CARM1: variants seen among roughly 807,000 people sequenced by gnomAD.
CARM1 encodes the protein coactivator associated arginine methyltransferase 1.
Under a neutral mutation model 72.7 loss-of-function variants are expected in CARM1, and 14 were observed. That is an observed-to-expected ratio of 0.19 (90% CI 0.13 to 0.30). The LOEUF is 0.30. Ranked by LOEUF, CARM1 falls within the 10% of genes least tolerant of loss-of-function variation. The pLI is 1.00. For missense variants in CARM1, 432 were observed against 833.7 expected, an observed-to-expected ratio of 0.52 and a Z score of 5.93; for synonymous variants, 333 against 345.5, an observed-to-expected ratio of 0.96 and a Z score of 0.40.
intron 1 of CARM1, among the ~76,000 whole-genome samples, chr19:10,879,453 G>A (rs2073886154): frequency 6.6e-6 from 1 of 152,180 alleles, no homozygotes; most frequent in South Asian, 2.1e-4. Flanking sequence ...ACAGTGGGTA[G>A]GATCTGGACC....
Position 10,900,935 on chromosome 19 carries a change from G to A in CARM1, c.221-4016G>A, listed in dbSNP as rs1257760470. On this transcript the variant is annotated intron_variant, in intron 1 of 15. Coordinates refer to ENST00000327064, the MANE Select transcript of CARM1 (RefSeq NM_199141.2). ...CCTGACCTTGTGATCCACCCGCCTC[G>A]GCCCCCCAAAGTGCTGGGATTACAG... Among the ~76,000 whole-genome samples, 9 of 151,672 alleles carry A rather than the reference G, an allele frequency of 5.9e-5. No individual in the cohort carries two copies. The East Asian group carries it at 1.5e-3, about 26-fold the overall frequency.
Position 10,905,033 on chromosome 19 carries a change from C to T in CARM1, c.303C>T (p.Thr101=), listed in dbSNP as rs375889124. The T allele has an allele frequency of 1.3e-4, 209 of 1,614,072 alleles. No individual in the cohort carries two copies. Among genetic ancestry groups the T allele is most frequent in the Admixed American group, 2.3e-4 (14 of 60,010 alleles). Reference sequence around the variant, plus strand: ...TGGGCAAGCAGTCCTTCATCATCACCCTGGGCTGCAACAGCGTCCTCATCC... The same window carrying T: ...TGGGCAAGCAGTCCTTCATCATCACTCTGGGCTGCAACAGCGTCCTCATCC... ...SRVGKQSFII[T]LGCNSVLIQF... is the part of the protein sequence containing the mutation. Residue 101 remains threonine (T), a synonymous_variant, in exon 2 of 16, where the codon ACC becomes ACT. Transcript: ENST00000327064.
At chr19:10,881,023 C>T (rs370636891) in intron 1 of CARM1, among the ~76,000 whole-genome samples, 3 of 152,074 alleles carry the variant, frequency 2.0e-5, no homozygotes, top group African/African-American at 7.2e-5. Context: ...AAAAATTAGC[C>T]GGCATGGTGG....
At position 10,871,956 on chromosome 19, in the gene CARM1, G is replaced by T; in HGVS notation, c.220+34G>T. 8.5e-7 allele frequency: 1 copy of T among 1,172,534 alleles called. No individual in the cohort carries two copies. The highest frequency in any genetic ancestry group is 1.1e-6 in the Non-Finnish European group (1 of 949,500). The allele number at this position is 1,172,534 out of a possible 1,614,324, so 72.6% of individuals were successfully genotyped here. A position where few individuals can be genotyped will look rare whatever the true frequency, so the allele number is the denominator to read the frequency against. ...GGGGCCCCGGGGCAGGCGCAGGGCC[G>T]GGGCTGCTCACGAGGCCGGCCCGGG... On this transcript the variant is annotated intron_variant, in intron 1 of 15. Coordinates refer to ENST00000327064, the MANE Select transcript of CARM1 (RefSeq NM_199141.2). The surrounding 1 kb of genome is among the most constrained non-coding windows in gnomAD (Gnocchi z 5.6).
chr19:10,897,182 C>T lies in CARM1; in HGVS notation c.221-7769C>T, dbSNP rs755689414. Reference sequence around the variant, plus strand: ...ATAGGGATGCTGGTGCCAGTCACCTCGGCCACTCTTGCTGTGTGACCTTGA... The same window carrying T: ...ATAGGGATGCTGGTGCCAGTCACCTTGGCCACTCTTGCTGTGTGACCTTGA... On this transcript the variant is annotated intron_variant, in intron 1 of 15. Coordinates refer to ENST00000327064, the MANE Select transcript of CARM1 (RefSeq NM_199141.2). Among the ~76,000 whole-genome samples the T allele has an allele frequency of 3.9e-5, 6 of 152,276 alleles. No individual in the cohort carries two copies. In the East Asian group the frequency reaches 7.7e-4, roughly 20 times the overall value.
Position 10,920,359 on chromosome 19 carries a change from G to C in CARM1, c.1197-77G>C. 6.6e-7 allele frequency: 1 copy of C among 1,519,794 alleles called. No individual in the cohort carries two copies. The highest frequency in any genetic ancestry group is 8.9e-7 in the Non-Finnish European group (1 of 1,120,908). 94.1% of individuals were successfully genotyped at this position (1,519,794 alleles called of 1,614,324 possible). The stretch of plus-strand genomic sequence containing the variant: ...GGCAGAGGGGGCAGGTGCTTGGGGA[G>C]GACTCAAGGCATACAAGGTGGTGGC... On this transcript the variant is annotated intron_variant, in intron 10 of 15. Coordinates refer to ENST00000327064, the MANE Select transcript of CARM1 (RefSeq NM_199141.2). This position sits in a 1 kb window ranked among gnomAD's most constrained non-coding sequence, Gnocchi z 5.3.
intron 1 of CARM1, among the ~76,000 whole-genome samples, chr19:10,874,466 C>T (rs975175702): frequency 7.9e-5 from 12 of 151,736 alleles, no homozygotes; most frequent in Admixed American, 1.3e-4. Context: ...GTCTCAGTCT[C>T]AGCTCACTGC....
At chr19:10,898,903 C>T (rs957841502) in intron 1 of CARM1, among the ~76,000 whole-genome samples, 4 of 152,076 alleles carry the variant, frequency 2.6e-5, no homozygotes, top group African/African-American at 9.7e-5. Flanking sequence ...GGGCCTGGCC[C>T]ATGTAGGGAC....
chr19:10,904,813 T>C, intron 1 of CARM1, 138 bp from the exon 2 acceptor site: 2 of 1,139,096 alleles, frequency 1.8e-6, no homozygotes, highest in Non-Finnish European at 1.3e-6. Context: ...CCGGCAATGC[T>C]GCCAGGGTGG....
chr19:10,917,269 G>A (rs1015855151), intron 8 of CARM1, among the ~76,000 whole-genome samples: 6 of 151,964 alleles, frequency 3.9e-5, no homozygotes, highest in African/African-American at 1.2e-4. Context: ...GGCAGATCAC[G>A]AGGTTAGGAG....
chr19:10,910,332 T>C (rs977965752), intron 4 of CARM1, among the ~76,000 whole-genome samples: 1 of 151,700 alleles, frequency 6.6e-6, no homozygotes, highest in South Asian at 2.1e-4. Context: ...AATACAAAAA[T>C]TAGCTGGGCG....
At position 10,912,130 on chromosome 19, in the gene CARM1, T is replaced by C; in HGVS notation, c.559-54T>C. On this transcript the variant is annotated intron_variant, in intron 4 of 15. Transcript: ENST00000327064. The surrounding 1 kb of genome is among the most constrained non-coding windows in gnomAD (Gnocchi z 4.5). ...CACATCCCTTATGATCACTGTCACC[T>C]CCCCATCACCGTCGCCTCCTATGTC... 1 of 1,248,960 alleles carries C rather than the reference T, an allele frequency of 8.0e-7. No homozygotes were observed. The highest frequency in any genetic ancestry group is 1.2e-6 in the Non-Finnish European group (1 of 846,424). The allele number at this position is 1,248,960 out of a possible 1,614,324, so 77.4% of individuals were successfully genotyped here.
chr19:10,904,537 G>T lies in CARM1; in HGVS notation c.221-414G>T, dbSNP rs1207288069. On this transcript the variant is annotated intron_variant, in intron 1 of 15. Coordinates refer to ENST00000327064, the MANE Select transcript of CARM1 (RefSeq NM_199141.2). ...ACAGTGAACAAATGGCATGGATGGG[G>T]TGTGAACCCAGCGGTCTGACTCCAC... is the stretch of plus-strand genomic sequence containing the variant. Among the ~76,000 whole-genome samples the T allele has an allele frequency of 3.9e-5, 6 of 152,246 alleles. No homozygotes were observed. The East Asian group carries it at 9.6e-4, about 24-fold the overall frequency.
chr19:10,901,416 A>C (rs1371538119), intron 1 of CARM1, among the ~76,000 whole-genome samples: 1 of 152,004 alleles, frequency 6.6e-6, no homozygotes, highest in Non-Finnish European at 1.5e-5. Flanking sequence ...TCCCGGGCTC[A>C]AGCAATCCTT....
chr19:10,914,531 C>T (rs148657904), intron 6 of CARM1, among the ~76,000 whole-genome samples: 1 of 152,196 alleles, frequency 6.6e-6, no homozygotes, highest in South Asian at 2.1e-4. Flanking sequence ...ATCCGTGCCT[C>T]TGGGTATGGC....
chr19:10,876,341 C>T (rs2073864529), intron 1 of CARM1, among the ~76,000 whole-genome samples: 1 of 152,210 alleles, frequency 6.6e-6, no homozygotes, highest in Non-Finnish European at 1.5e-5. Context: ...ATATTTATGT[C>T]CATGTTACTG....
In CARM1 at chr19:10,912,485, G is replaced by A. The variant is rs369653410; in HGVS notation, c.669+191G>A. Among the ~76,000 whole-genome samples the A allele has an allele frequency of 7.2e-5, 11 of 152,074 alleles. No individual in the cohort carries two copies. Among genetic ancestry groups the A allele is most frequent in the East Asian group, 5.8e-4 (3 of 5,182 alleles). Reference sequence around the variant, plus strand: ...CCTGAGATGATTTTCTCTCATGGCCGGTAGTCAGGGCCACATGTCATTTCC... The same window carrying A: ...CCTGAGATGATTTTCTCTCATGGCCAGTAGTCAGGGCCACATGTCATTTCC... On this transcript the variant is annotated intron_variant, in intron 5 of 15. Coordinates refer to ENST00000327064, the MANE Select transcript of CARM1 (RefSeq NM_199141.2). The surrounding 1 kb of genome is among the most constrained non-coding windows in gnomAD (Gnocchi z 4.5).
intron 1 of CARM1, among the ~76,000 whole-genome samples, chr19:10,903,150 T>G (rs1170712106): frequency 1.3e-5 from 2 of 152,222 alleles, no homozygotes; most frequent in African/African-American, 2.4e-5. Context: ...CTTGGCATCC[T>G]TATCAAAAAT....
intron 14 of CARM1, 103 bp from the exon 15 acceptor site, chr19:10,921,272 C>G: frequency 6.8e-7 from 1 of 1,479,724 alleles, no homozygotes; most frequent in Non-Finnish European, 9.4e-7. Flanking sequence ...CGAGGCTCTC[C>G]GTCCTCTCTG....
Sources: allele counts gnomAD v4.1 joint callset (sites outside exome capture counted in the v4.1 genomes callset), GRCh38; gene constraint gnomAD v4.1.1; non-coding constraint Gnocchi (gnomAD v3.1); transcripts MANE v1.5; gene names NCBI Gene and HGNC (gene_info 2026-07-23, HGNC 2026-07-21).